The following FILIP1L variants were observed in gnomAD, a reference collection of about 807,000 sequenced individuals.
FILIP1L encodes filamin A interacting protein 1 like.
A neutral mutation model predicts 96.6 loss-of-function variants in FILIP1L; 55 were observed. The ratio of observed to expected loss-of-function variants is 0.57; its 90% CI spans 0.46 to 0.71. The LOEUF (loss-of-function observed/expected upper bound fraction) is 0.71. FILIP1L is among the 30% of genes least tolerant of loss of function. The probability of loss-of-function intolerance (pLI) is 0.00; values close to 1 mark genes in which losing one functional copy is unlikely to be tolerated. For synonymous variants in FILIP1L, 467 were observed against 473.9 expected (o/e 0.99, Z 0.19); for missense variants, 1,304 against 1,321.2 (o/e 0.99, Z 0.20).
chr3:100,078,709 G>A (rs925402687), intron 1 of FILIP1L, among the ~76,000 whole-genome samples: 30 of 152,126 alleles, frequency 2.0e-4, no homozygotes, highest in Admixed American at 5.2e-4. Flanking sequence ...TAGCCAACAC[G>A]GCGAAACCCC....
At chr3:100,105,261 G>A (rs1039481994) in intron 1 of FILIP1L, among the ~76,000 whole-genome samples, 1 of 152,102 alleles carries the variant, frequency 6.6e-6, no homozygotes, top group African/African-American at 2.4e-5. Flanking sequence ...TATAATTGAA[G>A]CTGACCATTA....
At chr3:99,862,195 A>G (rs1352256538) in intron 4 of FILIP1L, among the ~76,000 whole-genome samples, 1 of 152,214 alleles carries the variant, frequency 6.6e-6, no homozygotes, top group Non-Finnish European at 1.5e-5. Context: ...GGCCCTAAAT[A>G]TAGTTTTAAT....
intron 1 of FILIP1L, among the ~76,000 whole-genome samples, chr3:99,985,142 T>C (rs1559714517): frequency 1.3e-5 from 2 of 152,062 alleles, no homozygotes; most frequent in South Asian, 4.2e-4. Flanking sequence ...TTAATTGGAG[T>C]AAAGAGAAGA....
intron 1 of FILIP1L, among the ~76,000 whole-genome samples, chr3:100,067,485 AG>A (rs1003864184): frequency 3.3e-5 from 5 of 152,188 alleles, no homozygotes; most frequent in African/African-American, 9.7e-5. Flanking sequence ...GATTGAGGAT[AG>A]TGAGTGTTTT....
intron 4 of FILIP1L, among the ~76,000 whole-genome samples, chr3:99,876,631 T>G (rs1354030932): frequency 6.6e-6 from 1 of 152,154 alleles, no homozygotes; most frequent in Non-Finnish European, 1.5e-5. Context: ...GAGACATCTC[T>G]GGGGGTGATT....
intron 1 of FILIP1L, among the ~76,000 whole-genome samples, chr3:99,942,044 A>G (rs962849974): frequency 6.6e-6 from 1 of 152,230 alleles, no homozygotes; most frequent in Non-Finnish European, 1.5e-5. Context: ...GTGAAACTGT[A>G]TCTCTACTAA....
chr3:100,013,269 A>C (rs1402331566), intron 1 of FILIP1L, among the ~76,000 whole-genome samples: 1 of 149,216 alleles, frequency 6.7e-6, no homozygotes, highest in Non-Finnish European at 1.5e-5. Context: ...TTTGAGATGG[A>C]GTCTTGCTCT....
chr3:100,021,953 G>GTGTA (rs2064829354), intron 1 of FILIP1L, among the ~76,000 whole-genome samples: 7 of 125,436 alleles, frequency 5.6e-5, no homozygotes, highest in Non-Finnish European at 1.2e-4. Flanking sequence ...GTGTGTGTGT[G>GTGTA]TGTGTGTGAG....
intron 1 of FILIP1L, among the ~76,000 whole-genome samples, chr3:99,952,279 T>C (rs1157902503): frequency 2.0e-5 from 3 of 152,204 alleles, no homozygotes; most frequent in Non-Finnish European, 1.5e-5. Flanking sequence ...GCAGTTTCAA[T>C]TGGATTATTT....
At chr3:99,843,943 C>G (rs1943248206) in intron 5 of FILIP1L, among the ~76,000 whole-genome samples, 2 of 152,200 alleles carry the variant, frequency 1.3e-5, no homozygotes, top group South Asian at 4.1e-4. Context: ...GAGACTCTAG[C>G]TAATGCCTAA....
chr3:99,848,609 T>C lies in FILIP1L; in HGVS notation c.3067A>G (p.Thr1023Ala), dbSNP rs757544873. The C allele has an allele frequency of 1.2e-6, 2 of 1,614,174 alleles. No individual in the cohort carries two copies. Among genetic ancestry groups the C allele is most frequent in the Non-Finnish European group, 1.7e-6 (2 of 1,180,018 alleles). ...ATCGCATGCTTGGCACTGATTTCTG[T>C]TGGTTCTGGGGAGCGTCCCTGCTCA... ...SPEQGRSPEP[T>A]EISAKHAIFR... Residue 1023 changes from threonine to alanine, a missense_variant, in exon 5 of 6, where the codon ACA (threonine) becomes GCA (alanine). Transcript: ENST00000477258.
At chr3:99,935,269 A>AAG (rs1553698289) in intron 1 of FILIP1L, among the ~76,000 whole-genome samples, 1 of 151,512 alleles carries the variant, frequency 6.6e-6, no homozygotes, top group Non-Finnish European at 1.5e-5. Context: ...GGGTACCAAA[A>AAG]AAAAAAAAAG....
rs1185336356 is a variant in FILIP1L at position 100,051,905 on chromosome 3, AAT to A, written c.-11+62146_-11+62147del. On this transcript the variant is annotated intron_variant, in intron 1 of 5. Transcript: ENST00000477258. ...ATATTTTATATGTCATATATTTATTAATATGTGTTATTAAAATATATGTTTAT... is the reference window on the plus strand; with the variant it reads ...ATATTTTATATGTCATATATTTATTAATGTGTTATTAAAATATATGTTTAT... Among the ~76,000 whole-genome samples the A allele has an allele frequency of 3.9e-4, 58 of 148,618 alleles. 1 individual carries two copies. Among genetic ancestry groups the A allele is most frequent in the Admixed American group, 8.8e-4 (13 of 14,852 alleles).
chr3:99,894,765 CTG>C (rs1324810892), intron 4 of FILIP1L, among the ~76,000 whole-genome samples: 4 of 152,122 alleles, frequency 2.6e-5, no homozygotes, highest in African/African-American at 9.7e-5. Flanking sequence ...ATTTAGGTAA[CTG>C]TGATAGTATG....
intron 1 of FILIP1L, among the ~76,000 whole-genome samples, chr3:99,993,238 TA>T (rs1398167276): frequency 2.0e-5 from 3 of 152,010 alleles, no homozygotes; most frequent in Admixed American, 1.3e-4. Flanking sequence ...TGAATATTAT[TA>T]AAATTACATT....
chr3:99,857,730 T>C (rs1944038014), intron 4 of FILIP1L, among the ~76,000 whole-genome samples: 1 of 152,236 alleles, frequency 6.6e-6, no homozygotes, highest in African/African-American at 2.4e-5. Context: ...ACTGTATTGT[T>C]TCTATTAGTT....
intron 4 of FILIP1L, among the ~76,000 whole-genome samples, chr3:99,919,921 T>C (rs1036599090): frequency 2.0e-5 from 3 of 152,340 alleles, no homozygotes; most frequent in Middle Eastern, 3.4e-3. Context: ...TCTGCACCAC[T>C]GTTCTATCTA....
intron 4 of FILIP1L, among the ~76,000 whole-genome samples, chr3:99,923,362 ACTCAT>A (rs1380971637): frequency 6.6e-6 from 1 of 152,036 alleles, no homozygotes; most frequent in Non-Finnish European, 1.5e-5. Flanking sequence ...CTAAACCAGG[ACTCAT>A]CTCCTACCTA....
chr3:99,867,145 G>C (rs1233737070), intron 4 of FILIP1L, among the ~76,000 whole-genome samples: 1 of 152,180 alleles, frequency 6.6e-6, no homozygotes, highest in Non-Finnish European at 1.5e-5. Context: ...AAATATGACA[G>C]TGGTCAACAG....
Sources: allele counts gnomAD v4.1 joint callset (sites outside exome capture counted in the v4.1 genomes callset), GRCh38; gene constraint gnomAD v4.1.1; transcripts MANE v1.5; gene names NCBI Gene and HGNC (gene_info 2026-07-23, HGNC 2026-07-21).